FANCI: variants seen among roughly 807,000 people sequenced by gnomAD.
FANCI encodes the protein FA complementation group I, also known as Fanconi anemia group I protein.
Under a neutral mutation model 176.1 loss-of-function variants are expected in FANCI, and 156 were observed. That is an observed-to-expected ratio of 0.89 (90% CI 0.78 to 1.01). The LOEUF (loss-of-function observed/expected upper bound fraction) is 1.01, where lower values mean the gene tolerates loss of function less well. FANCI is among the 50% of genes least tolerant of loss of function. The probability of loss-of-function intolerance (pLI) is 0.00; values close to 1 mark genes in which losing one functional copy is unlikely to be tolerated. For synonymous variants in FANCI, 613 were observed against 541.7 expected (o/e 1.13, Z -1.83); for missense variants, 1,678 against 1,534.1 (o/e 1.09, Z -1.57).
At chr15:89,288,888 G>A (rs1026530585) in intron 18 of FANCI, among the ~76,000 whole-genome samples, 4 of 151,676 alleles carry the variant, frequency 2.6e-5, no homozygotes, top group Non-Finnish European at 4.4e-5. Context: ...CGATCCTCCT[G>A]CCTCAGTCTT....
chr15:89,246,723 T>A (rs893268090), intron 1 of FANCI, among the ~76,000 whole-genome samples: 2 of 151,978 alleles, frequency 1.3e-5, no homozygotes, highest in African/African-American at 4.8e-5. Flanking sequence ...ATCTTTTACC[T>A]TGTTAACTTC....
Position 89,285,231 on chromosome 15 carries a change from A to G in FANCI, c.1821+13A>G, listed in dbSNP as rs2151611385. 3 of 1,613,978 alleles carry G rather than the reference A, an allele frequency of 1.9e-6. No homozygotes were observed. The highest frequency in any genetic ancestry group is 2.5e-6 in the Non-Finnish European group (3 of 1,179,900). On this transcript the variant is annotated intron_variant, in intron 18 of 37. Transcript: ENST00000310775. The stretch of plus-strand genomic sequence containing the variant: ...CATGCTTTATGAGGTAAGTCCGTAG[A>G]ATGGAAAGAATGTAGCAAAACCCCA...
Position 89,244,853 on chromosome 15 carries a change from G to A in FANCI, c.-20+820G>A, listed in dbSNP as rs543221749. ...ACCTACCTAGTAGGTGGTGTTGTGG[G>A]AGTCATGTTAATGAATGTAAAGTGC... On this transcript the variant is annotated intron_variant, in intron 1 of 37. Coordinates refer to ENST00000310775, the MANE Select transcript of FANCI (RefSeq NM_001113378.2). Among the ~76,000 whole-genome samples, 5 of 152,272 alleles carry A rather than the reference G, an allele frequency of 3.3e-5. No individual in the cohort carries two copies. The South Asian group carries it at 1.0e-3, about 32-fold the overall frequency.
chr15:89,315,246 G>A (rs577025544), intron 36 of FANCI, 36 bp from the exon 37 acceptor site: 8 of 1,475,232 alleles, frequency 5.4e-6, no homozygotes, highest in African/African-American at 4.2e-5. Flanking sequence ...GGACCTATGA[G>A]TAGGGAGATG....
chr15:89,265,881 C>T (rs12442641), intron 9 of FANCI, among the ~76,000 whole-genome samples: 2 of 151,996 alleles, frequency 1.3e-5, no homozygotes, highest in African/African-American at 4.8e-5. Context: ...AGGGGCTATT[C>T]TAAGCACTTT....
chr15:89,292,709 C>T lies in FANCI; in HGVS notation c.2014C>T (p.Gln672Ter). 6.2e-7 allele frequency: 1 copy of T among 1,613,644 alleles called. No homozygotes were observed. The highest frequency in any genetic ancestry group is 8.5e-7 in the Non-Finnish European group (1 of 1,179,914). Residue 672 changes from glutamine to a stop codon, truncating the protein, a stop_gained, in exon 21 of 38, where the codon CAG becomes TAG. Transcript: ENST00000310775. LOFTEE classifies it high-confidence loss of function. ...EPLDYLLCCI[Q>*]HCLAWYKNTV... ...ACAGGATTATCTGCTGTGTTGTATT[C>T]AGCATTGTTTGGCCTGGTATAAGAA...
Position 89,278,799 on chromosome 15 carries a change from A to T in FANCI, c.1381+25A>T, listed in dbSNP as rs376096001. 3.8e-5 allele frequency: 60 copies of T among 1,576,984 alleles called. No homozygotes were observed. In the African/African-American group the frequency reaches 5.5e-4, roughly 15 times the overall value. On this transcript the variant is annotated intron_variant, in intron 14 of 37. Coordinates refer to ENST00000310775, the MANE Select transcript of FANCI (RefSeq NM_001113378.2). ...GGTATTCAACTTTGAAAGAATGAAT[A>T]AAGTTTTTAGAAATATTTTCATTTC...
In FANCI at chr15:89,313,975, A is replaced by T. The variant is rs551715998; in HGVS notation, c.3721-637A>T. 9.8e-5 allele frequency among the ~76,000 whole-genome samples: 9 copies of T among 91,374 alleles called. No individual in the cohort carries two copies. The South Asian group carries it at 1.9e-3, about 20-fold the overall frequency. The allele number at this position is 91,374 out of a possible 152,430, so 59.9% of individuals were successfully genotyped here. On this transcript the variant is annotated intron_variant, in intron 35 of 37. Coordinates refer to ENST00000310775, the MANE Select transcript of FANCI (RefSeq NM_001113378.2). ...ACGTTAGGGGGAAAGATATATAATCACACACACACACACACACACACACAC... is the reference window on the plus strand; with the variant it reads ...ACGTTAGGGGGAAAGATATATAATCTCACACACACACACACACACACACAC...
Position 89,301,372 on chromosome 15 carries a change from G to C in FANCI, c.2936G>C (p.Ser979Thr), listed in dbSNP as rs769453869. 3.2e-5 allele frequency: 51 copies of C among 1,613,954 alleles called. No homozygotes were observed. Among genetic ancestry groups the C allele is most frequent in the Non-Finnish European group, 4.3e-5 (51 of 1,179,990 alleles). The change falls in exon 27 of 38, where the codon AGC becomes ACC. Residue 979 changes from serine (S) to threonine (T), a missense_variant. Around this residue, in one of 3 missense-constraint regions of FANCI, gnomAD observed 1,204 missense variants for 1,077.4 expected, o/e 1.12. Transcript: ENST00000310775. The stretch of plus-strand genomic sequence containing the variant: ...AGCAGTCAAGAGGAAGATTTTAATA[G>C]CAAAGAAGCCCTCCTGCTAGTCACG... ...LLSSQEEDFN[S>T]KEALLLVTVL...
chr15:89,297,709 C>T (rs907471435), intron 24 of FANCI, among the ~76,000 whole-genome samples: 58 of 147,692 alleles, frequency 3.9e-4, no homozygotes, highest in African/African-American at 1.4e-3. Flanking sequence ...CAGTACAGTC[C>T]AGCTTTGGCT....
chr15:89,294,008 G>A lies in FANCI; in HGVS notation c.2456+11G>A. 1.2e-6 allele frequency: 2 copies of A among 1,614,034 alleles called. No individual in the cohort carries two copies. Among genetic ancestry groups the A allele is most frequent in the Non-Finnish European group, 1.7e-6 (2 of 1,179,984 alleles). On this transcript the variant is annotated intron_variant, in intron 23 of 37. Coordinates refer to ENST00000310775, the MANE Select transcript of FANCI (RefSeq NM_001113378.2). ...CACTGCTCTTTTCAGGTAAGGTTCT[G>A]CTAGAGTGCTTAAAGACAGCCACTC...
chr15:89,296,345 C>A (rs920520636), intron 24 of FANCI, among the ~76,000 whole-genome samples: 1 of 149,860 alleles, frequency 6.7e-6, no homozygotes, highest in Non-Finnish European at 1.5e-5. Context: ...TGGGCTCAAG[C>A]GATACGCCCA....
At chr15:89,270,667 A>C (rs1054607769) in intron 10 of FANCI, among the ~76,000 whole-genome samples, 5 of 152,144 alleles carry the variant, frequency 3.3e-5, no homozygotes, top group African/African-American at 1.2e-4. Flanking sequence ...ATCATTATGC[A>C]CTCATGAACC....
In FANCI at chr15:89,293,838, A is replaced by T; in HGVS notation, c.2297A>T (p.Asn766Ile). The change falls in exon 23 of 38, where the codon AAT (asparagine) becomes ATT (isoleucine). Residue 766 changes from asparagine (N) to isoleucine (I), a missense_variant. Asn to Ile is a moderately radical substitution (Grantham distance 149). Coordinates refer to ENST00000310775, the MANE Select transcript of FANCI (RefSeq NM_001113378.2). ...CTCTTTTTTGTTTTTTACAGTAAGA[A>T]TAGGTTTGAGGACATTCTGAGCTTA... is the stretch of plus-strand genomic sequence containing the variant. ...YNFSISSFSK[N>I]RFEDILSLFM... The T allele has an allele frequency of 6.2e-7, 1 of 1,613,910 alleles. No homozygotes were observed.
At chr15:89,267,691 C>G (rs1381341108) in intron 9 of FANCI, among the ~76,000 whole-genome samples, 1 of 152,140 alleles carries the variant, frequency 6.6e-6, no homozygotes, top group African/African-American at 2.4e-5. Context: ...TTTTGGGAGG[C>G]TGAGGCATGA....
chr15:89,273,552 T>C, intron 11 of FANCI, 83 bp downstream of exon 11: 2 of 883,570 alleles, frequency 2.3e-6, no homozygotes, highest in Non-Finnish European at 3.7e-6. Flanking sequence ...TAATCTGTTT[T>C]TGTTGTATCC....
chr15:89,271,807 G>A (rs1191735371), intron 10 of FANCI, among the ~76,000 whole-genome samples: 1 of 152,162 alleles, frequency 6.6e-6, no homozygotes, highest in Non-Finnish European at 1.5e-5. Context: ...TTGTTGAATA[G>A]TATTCCATTG....
chr15:89,281,373 T>C, intron 15 of FANCI, 73 bp downstream of exon 15: 1 of 1,538,230 alleles, frequency 6.5e-7, no homozygotes, highest in Non-Finnish European at 9.0e-7. Flanking sequence ...GATGCATTTT[T>C]GTATAAATAT....
At chr15:89,295,985 G>A (rs1223493095) in intron 24 of FANCI, among the ~76,000 whole-genome samples, 1 of 151,384 alleles carries the variant, frequency 6.6e-6, no homozygotes, top group East Asian at 1.9e-4. Flanking sequence ...TACTTTTTTT[G>A]GAGACAGGGT....
Sources: gnomAD v4.1 joint callset for allele counts (sites outside exome capture counted in the v4.1 genomes callset) on GRCh38, gnomAD v4.1.1 for gene constraint, gnomAD v4.1.1 regional missense constraint, MANE v1.5 for transcripts, NCBI Gene and HGNC (gene_info 2026-07-23, HGNC 2026-07-21) for gene names.